Variants in GXYLT1 observed in about 807,000 individuals in gnomAD.
GXYLT1 encodes the protein glycosyltransferase 8 domain containing 3.
GXYLT1 carries 29 observed loss-of-function variants against 54.0 expected under a neutral mutation model. The observed-to-expected ratio is 0.54, with a 90% CI of 0.40 to 0.73. GXYLT1 has a LOEUF of 0.73. Ranked by LOEUF, GXYLT1 falls within the 30% of genes least tolerant of loss-of-function variation. The pLI is 0.00. For missense variants in GXYLT1, 490 were observed against 553.4 expected (o/e 0.89, Z 1.15); for synonymous variants, 176 against 204.1 (o/e 0.86, Z 1.17).
In GXYLT1 at chr12:42,096,443, G is replaced by C. The variant is rs558009996; in HGVS notation, c.1161+999C>G. On this transcript the variant is annotated intron_variant, in intron 7 of 7. Transcript: ENST00000398675. ...ATGGGGCTCCCAATGGCCATACCTG[G>C]AACAACTTTAGCATTAACATAATTA... Among the ~76,000 whole-genome samples the C allele has an allele frequency of 2.0e-5, 3 of 152,220 alleles. No homozygotes were observed. In the South Asian group the frequency reaches 6.2e-4, roughly 32 times the overall value.
At chr12:42,130,657 A>G (rs1377621911) in intron 1 of GXYLT1, among the ~76,000 whole-genome samples, 1 of 152,202 alleles carries the variant, frequency 6.6e-6, no homozygotes, top group Admixed American at 6.6e-5. Context: ...ACACATGCAT[A>G]CACACATACA....
At position 42,082,843 on chromosome 12, in the gene GXYLT1, G is replaced by A. The variant is rs2065261666; in HGVS notation, c.*4943C>T. On this transcript the variant is annotated 3_prime_UTR_variant, in exon 8 of 8. Coordinates refer to ENST00000398675, the MANE Select transcript of GXYLT1 (RefSeq NM_173601.2). ...TCTTCATGATTTTTTACAAGAGGTT[G>A]CTATAGTGTGCTATGTGTGTAAATA... 6.6e-6 allele frequency: 1 copy of A among 152,148 alleles called. No individual in the cohort carries two copies. The highest frequency in any genetic ancestry group is 1.5e-5 in the Non-Finnish European group (1 of 68,032). The allele number at this position is 152,148 out of a possible 1,614,324, so 9.4% of individuals were successfully genotyped here.
At chr12:42,100,253 T>C (rs550004454) in intron 5 of GXYLT1, among the ~76,000 whole-genome samples, 4 of 152,324 alleles carry the variant, frequency 2.6e-5, no homozygotes, top group South Asian at 2.1e-4. Context: ...GCAGTTCACA[T>C]AGTGTGCTAC....
rs185939237 is a variant in GXYLT1, at chr12:42,106,808, T to G, written c.613-739A>C. ...TCACCCAGGCTGGAGTGCAGTAGTGTGATCTCAACTCACTGCAACCTCTAC... is the reference window on the plus strand; with the variant it reads ...TCACCCAGGCTGGAGTGCAGTAGTGGGATCTCAACTCACTGCAACCTCTAC... On this transcript the variant is annotated intron_variant, in intron 4 of 7. Transcript: ENST00000398675. Among the ~76,000 whole-genome samples the G allele has an allele frequency of 2.7e-3, 408 of 149,262 alleles. 2 individuals carry two copies. The highest frequency in any genetic ancestry group is 9.0e-3 in the African/African-American group (365 of 40,420).
rs543515110 is a variant in GXYLT1 at position 42,116,345 on chromosome 12, C to T, written c.486+2655G>A. Among the ~76,000 whole-genome samples, 735 of 152,244 alleles carry T rather than the reference C, an allele frequency of 4.8e-3. 7 individuals are homozygous for T. Among genetic ancestry groups the T allele is most frequent in the African/African-American group, 0.017 (710 of 41,532 alleles). ...AACTACCATCAGAGTGAACCGGCAACCTACAGAATGGGAGAAAATTTTTGC... is the reference window on the plus strand; with the variant it reads ...AACTACCATCAGAGTGAACCGGCAATCTACAGAATGGGAGAAAATTTTTGC... On this transcript the variant is annotated intron_variant, in intron 3 of 7. Coordinates refer to ENST00000398675, the MANE Select transcript of GXYLT1 (RefSeq NM_173601.2).
chr12:42,112,394 A>T (rs1032368560), intron 3 of GXYLT1, among the ~76,000 whole-genome samples: 4 of 152,200 alleles, frequency 2.6e-5, no homozygotes, highest in African/African-American at 7.2e-5. Flanking sequence ...AAAGCTTTGA[A>T]AAAAAATTAG....
In GXYLT1 at chr12:42,109,554, GA is replaced by G; in HGVS notation, c.612+11del. 1 of 1,453,512 alleles carries G rather than the reference GA, an allele frequency of 6.9e-7. No individual in the cohort carries two copies. The highest frequency in any genetic ancestry group is 1.5e-5 in the South Asian group (1 of 66,200). 90.0% of individuals were successfully genotyped at this position (1,453,512 alleles called of 1,614,324 possible). On this transcript the variant is annotated intron_variant, in intron 4 of 7. Transcript: ENST00000398675. ...AAAAAAAAAAAAAAAGACACTAGGG[GA>G]AAAAACTTACCGGCAAGAACAATCT... is the stretch of plus-strand genomic sequence containing the variant.
chr12:42,135,765 A>T (rs2065616298), intron 1 of GXYLT1, among the ~76,000 whole-genome samples: 1 of 152,234 alleles, frequency 6.6e-6, no homozygotes, highest in Non-Finnish European at 1.5e-5. Flanking sequence ...GACAGAAAGT[A>T]GACTCGTGGT....
chr12:42,098,220 C>A (rs2065368227), intron 5 of GXYLT1, among the ~76,000 whole-genome samples, 187 bp from the exon 6 acceptor site: 1 of 152,012 alleles, frequency 6.6e-6, no homozygotes, highest in Non-Finnish European at 1.5e-5. Flanking sequence ...CAGAAGATAA[C>A]AAAAGGAAGT....
intron 2 of GXYLT1, among the ~76,000 whole-genome samples, chr12:42,128,536 T>C (rs982317990): frequency 6.6e-6 from 1 of 152,158 alleles, no homozygotes; most frequent in South Asian, 2.1e-4. Context: ...TGACTCATCA[T>C]AGCAACAACT....
rs907987422 is a variant in GXYLT1, at chr12:42,083,865, T to TG, written c.*3920dup. 6 of 152,086 alleles carry TG rather than the reference T, an allele frequency of 3.9e-5. No individual in the cohort carries two copies. The highest frequency in any genetic ancestry group is 3.9e-4 in the Admixed American group (6 of 15,260). The allele number at this position is 152,086 out of a possible 1,614,324, so 9.4% of individuals were successfully genotyped here. ...AGTCCCCTCCACTTCCAACCTCCAC[T>TG]GGGGAATATGTAGTTAGTCTTGCAG... is the stretch of plus-strand genomic sequence containing the variant. On this transcript the variant is annotated 3_prime_UTR_variant, in exon 8 of 8. Coordinates refer to ENST00000398675, the MANE Select transcript of GXYLT1 (RefSeq NM_173601.2).
At chr12:42,101,574 A>G (rs1311748159) in intron 5 of GXYLT1, among the ~76,000 whole-genome samples, 1 of 147,688 alleles carries the variant, frequency 6.8e-6, no homozygotes, top group Non-Finnish European at 1.5e-5. Flanking sequence ...GTTTCAAAAT[A>G]CTTTTTTTTT....
chr12:42,144,629 G>C lies in GXYLT1; in HGVS notation c.18C>G (p.Arg6=), dbSNP rs1239374519. The change falls in exon 1 of 8, where the codon CGC becomes CGG. Residue 6 remains arginine (R), a synonymous_variant. Transcript: ENST00000398675. ...CGCAGGCCACACACAGCACCACGAC[G>C]CGCAGGTAGCGCCGCATCGCCCCGG... The part of the protein sequence containing the change: MRRYL[R]VVVLCVACGF... The C allele has an allele frequency of 1.4e-6, 2 of 1,463,892 alleles. No individual in the cohort carries two copies. The highest frequency in any genetic ancestry group is 1.8e-6 in the Non-Finnish European group (2 of 1,106,188). The allele number at this position is 1,463,892 out of a possible 1,614,324, so 90.7% of individuals were successfully genotyped here. A position where few individuals can be genotyped will look rare whatever the true frequency, so the allele number is the denominator to read the frequency against.
chr12:42,144,763 C>G lies in GXYLT1; in HGVS notation c.-117G>C. ...ACAAGTTCCTCACCCGCAGCCGCCG[C>G]CGCCGCCTTGCGCCCGCTCCCTTCC... On this transcript the variant is annotated 5_prime_UTR_variant, in exon 1 of 8. Transcript: ENST00000398675. The G allele has an allele frequency of 2.8e-6, 2 of 702,628 alleles. No homozygotes were observed. Among genetic ancestry groups the G allele is most frequent in the Non-Finnish European group, 4.0e-6 (2 of 496,432 alleles). 43.5% of individuals were successfully genotyped at this position (702,628 alleles called of 1,614,324 possible). A position where few individuals can be genotyped will look rare whatever the true frequency, so the allele number is the denominator to read the frequency against.
intron 4 of GXYLT1, among the ~76,000 whole-genome samples, chr12:42,106,807 G>T (rs2065424371): frequency 1.4e-5 from 2 of 141,322 alleles, no homozygotes; most frequent in African/African-American, 5.3e-5. Context: ...GTGCAGTAGT[G>T]TGATCTCAAC....
chr12:42,101,243 A>C (rs529886427), intron 5 of GXYLT1, among the ~76,000 whole-genome samples: 52 of 152,324 alleles, frequency 3.4e-4, no homozygotes, highest in Non-Finnish European at 6.3e-4. Context: ...AGAAGTGGGC[A>C]AAGGATATGG....
At position 42,086,883 on chromosome 12, in the gene GXYLT1, T is replaced by C. The variant is rs997896103; in HGVS notation, c.*903A>G. On this transcript the variant is annotated 3_prime_UTR_variant, in exon 8 of 8. Coordinates refer to ENST00000398675, the MANE Select transcript of GXYLT1 (RefSeq NM_173601.2). ...AAAATTACTACTCACAGGAAGTATA[T>C]AGCTTATGCATTTTGGTCCATCACA... is the stretch of plus-strand genomic sequence containing the variant. 1.4e-4 allele frequency: 21 copies of C among 152,180 alleles called. No homozygotes were observed. The highest frequency in any genetic ancestry group is 2.2e-4 in the Non-Finnish European group (15 of 68,024). 9.4% of individuals were successfully genotyped at this position (152,180 alleles called of 1,614,324 possible). A position where few individuals can be genotyped will look rare whatever the true frequency, so the allele number is the denominator to read the frequency against.
At chr12:42,123,943 TAAAAGA>T (rs1237593359) in intron 2 of GXYLT1, among the ~76,000 whole-genome samples, 3 of 139,154 alleles carry the variant, frequency 2.2e-5, no homozygotes, top group Admixed American at 1.4e-4. Flanking sequence ...CATAATGGAC[TAAAAGA>T]AAGAAAAAAA....
At chr12:42,127,536 T>C (rs2136913560) in intron 2 of GXYLT1, among the ~76,000 whole-genome samples, 1 of 152,288 alleles carries the variant, frequency 6.6e-6, no homozygotes, top group Non-Finnish European at 1.5e-5. Flanking sequence ...GAAAATGAGT[T>C]AGAGGAGCCA....
Sources: gnomAD v4.1 joint callset for allele counts (sites outside exome capture counted in the v4.1 genomes callset) on GRCh38, gnomAD v4.1.1 for gene constraint, MANE v1.5 for transcripts, NCBI Gene and HGNC (gene_info 2026-07-23, HGNC 2026-07-21) for gene names.